TCHP: variants seen among roughly 807,000 people sequenced by gnomAD.
TCHP encodes trichoplein keratin filament binding, also known as trichoplein keratin filament-binding protein.
In TCHP, 81 loss-of-function variants were observed where a neutral mutation model predicts 88.7. The ratio of observed to expected loss-of-function variants is 0.91; its 90% CI spans 0.76 to 1.10. The LOEUF (loss-of-function observed/expected upper bound fraction) is 1.10. TCHP is among the 50% of genes least tolerant of loss of function. TCHP has a pLI of 0.00. For synonymous variants in TCHP, 232 were observed against 232.5 expected (o/e 1.00, Z 0.02); for missense variants, 641 against 632.1 (o/e 1.01, Z -0.15).
At chr12:109,881,491 T>G in the TCHP span, among the ~76,000 whole-genome samples, 1 of 152,248 alleles carries the variant, frequency 6.6e-6, no homozygotes. Context: ...ATGGGAAACC[T>G]CTAGAGTATT....
rs150649344 is a variant in TCHP at position 109,908,570 on chromosome 12, CTCA to C, written c.700-9_700-7del. ...ATCTCAGATCTCAGTCGAGCTTACT[CTCA>C]TCATCACCACAGGCGACCAAACTAA... On this transcript the variant is annotated splice_polypyrimidine_tract_variant and intron_variant, in intron 6 of 12. Coordinates refer to ENST00000405876, the MANE Select transcript of TCHP (RefSeq NM_001143852.2). 5.4e-5 allele frequency: 85 copies of C among 1,583,242 alleles called. No individual in the cohort carries two copies. The highest frequency in any genetic ancestry group is 7.0e-5 in the Non-Finnish European group (81 of 1,164,636).
At chr12:109,908,314 T>C (rs913631834) in intron 6 of TCHP, among the ~76,000 whole-genome samples, 6 of 152,192 alleles carry the variant, frequency 3.9e-5, no homozygotes, top group Non-Finnish European at 7.3e-5. Flanking sequence ...GTGGGGGCTG[T>C]GTCAGGTGGA....
chr12:109,902,926 G>C, intron 1 of TCHP, 101 bp from the exon 2 acceptor site: 2 of 848,546 alleles, frequency 2.4e-6, no homozygotes, highest in South Asian at 4.9e-5. Flanking sequence ...ATTTCACTGT[G>C]CAGCCAAGGG....
chr12:109,895,035 AG>A, the TCHP span, among the ~76,000 whole-genome samples: 1 of 152,022 alleles, frequency 6.6e-6, no homozygotes, highest in African/African-American at 2.4e-5. Context: ...GACCACCTTG[AG>A]GAACTGGGAG....
In TCHP at chr12:109,905,835, GC is replaced by G. The variant is rs1341074567; in HGVS notation, c.457-735del. The stretch of plus-strand genomic sequence containing the variant: ...TTTATTCAGAACATTCAAGTTAATT[GC>G]CTATGTTCACAGCTGTAAGTTGGGA... On this transcript the variant is annotated intron_variant, in intron 4 of 12. Coordinates refer to ENST00000405876, the MANE Select transcript of TCHP (RefSeq NM_001143852.2). This position sits in a 1 kb window ranked among gnomAD's most constrained non-coding sequence, Gnocchi z 4.0. Among the ~76,000 whole-genome samples the G allele has an allele frequency of 6.6e-6, 1 of 152,136 alleles. No homozygotes were observed. Among genetic ancestry groups the G allele is most frequent in the African/African-American group, 2.4e-5 (1 of 41,418 alleles).
chr12:109,885,815 T>C, the TCHP span, among the ~76,000 whole-genome samples: 1 of 151,946 alleles, frequency 6.6e-6, no homozygotes, highest in African/African-American at 2.4e-5. Context: ...TCTTGCTCTG[T>C]TACTCAGGCT....
At chr12:109,882,722 A>G in the TCHP span, among the ~76,000 whole-genome samples, 2 of 145,932 alleles carry the variant, frequency 1.4e-5, no homozygotes, top group Non-Finnish European at 3.0e-5. Flanking sequence ...TGGTGGTGCA[A>G]TCTCGGCTCA....
At position 109,914,569 on chromosome 12, in the gene TCHP, G is replaced by T. The variant is rs139095320; in HGVS notation, c.1262G>T (p.Arg421Leu). ...NLEEVRELARREKEESEKLKS... is the reference protein window; with the variant it reads ...NLEEVRELARLEKEESEKLKS... ...GAGGAGGTGAGAGAGTTGGCTCGTC[G>T]CGAGAAAGAGGAGAGTGAAAAGCTG... The change falls in exon 11 of 13, where the codon CGC (arginine) becomes CTC (leucine). Residue 421 changes from arginine (R) to leucine (L), a missense_variant. Transcript: ENST00000405876. 5 of 1,613,726 alleles carry T rather than the reference G, an allele frequency of 3.1e-6. No homozygotes were observed. The highest frequency in any genetic ancestry group is 4.2e-6 in the Non-Finnish European group (5 of 1,180,000).
chr12:109,892,186 CA>C, the TCHP span, among the ~76,000 whole-genome samples: 6 of 150,286 alleles, frequency 4.0e-5, 1 homozygote, highest in Admixed American at 2.0e-4. Context: ...GATACCATCT[CA>C]AAAAAAAATC....
chr12:109,915,151 G>A (rs923664042), intron 11 of TCHP: 7 of 577,114 alleles, frequency 1.2e-5, no homozygotes, highest in East Asian at 3.0e-5. Context: ...TACACGCCAC[G>A]CATACAGCCT....
the TCHP span, chr12:109,888,209 C>G: frequency 6.6e-6 from 1 of 152,148 alleles, no homozygotes; most frequent in Non-Finnish European, 1.5e-5. Flanking sequence ...GAAAACAGGG[C>G]GGGGGAGAGG....
intron 8 of TCHP, among the ~76,000 whole-genome samples, chr12:109,909,236 G>A (rs1870343984): frequency 6.6e-6 from 1 of 152,170 alleles, no homozygotes; most frequent in Non-Finnish European, 1.5e-5. Flanking sequence ...TAGCTTGACC[G>A]TAAGGATCCT....
At chr12:109,915,373 T>C (rs202058014) in intron 11 of TCHP, 30 bp from the exon 12 acceptor site, 35 of 1,613,832 alleles carry the variant, frequency 2.2e-5, no homozygotes, top group Non-Finnish European at 2.6e-5. Context: ...GGCCTTGTCT[T>C]GGGGTGGTGA....
intron 8 of TCHP, among the ~76,000 whole-genome samples, chr12:109,910,407 G>A (rs1162444683): frequency 1.3e-5 from 2 of 152,098 alleles, no homozygotes; most frequent in African/African-American, 4.8e-5. Context: ...GCCTCAACCT[G>A]CCAGGCTCAA....
chr12:109,916,552 G>A, intron 12 of TCHP, 39 bp from the exon 13 acceptor site: 1 of 1,602,652 alleles, frequency 6.2e-7, no homozygotes, highest in African/African-American at 1.3e-5. Flanking sequence ...TGCAGATACT[G>A]CTGATCTGAT....
At chr12:109,915,196 A>G (rs1870738383) in intron 11 of TCHP, 1 of 662,244 alleles carries the variant, frequency 1.5e-6, no homozygotes, top group African/African-American at 1.8e-5. Context: ...CCACGCATAC[A>G]GCCTCTCCAG....
At chr12:109,913,104 G>A in intron 10 of TCHP, 32 bp downstream of exon 10, 2 of 1,608,870 alleles carry the variant, frequency 1.2e-6, no homozygotes. Flanking sequence ...TGGACCGGCT[G>A]TTGGGTCTTG....
upstream of TCHP, among the ~76,000 whole-genome samples, chr12:109,899,469 C>T (rs576023428): frequency 7.9e-5 from 12 of 152,178 alleles, no homozygotes; most frequent in African/African-American, 2.9e-4. Flanking sequence ...GAAACCCCAT[C>T]TCTACTAAAA....
chr12:109,899,126 T>C (rs1283041531), upstream of TCHP, among the ~76,000 whole-genome samples: 3 of 152,034 alleles, frequency 2.0e-5, no homozygotes, highest in African/African-American at 7.3e-5. Context: ...GCTGAGGCCA[T>C]GATGCTGCAT....
Sources: allele counts gnomAD v4.1 joint callset (sites outside exome capture counted in the v4.1 genomes callset), GRCh38; gene constraint gnomAD v4.1.1; non-coding constraint Gnocchi (gnomAD v3.1); transcripts MANE v1.5; gene names NCBI Gene and HGNC (gene_info 2026-07-23, HGNC 2026-07-21).